Variants in IL16 observed in about 807,000 individuals in gnomAD.
The protein encoded by IL16 is pro-interleukin-16.
In IL16, 67 loss-of-function variants were observed where a neutral mutation model predicts 110.1. The ratio of observed to expected loss-of-function variants is 0.61; its 90% CI spans 0.50 to 0.75. The LOEUF (loss-of-function observed/expected upper bound fraction) is 0.75. Ranked by LOEUF, IL16 falls within the 30% of genes least tolerant of loss-of-function variation. The pLI is 0.00. For missense variants in IL16, 1,545 were observed against 1,655.0 expected, an observed-to-expected ratio of 0.93 and a Z score of 1.15; for synonymous variants, 689 against 662.9, an observed-to-expected ratio of 1.04 and a Z score of -0.61.
At chr15:81,199,032 TATATA>T (rs1374746482) in intron 1 of IL16, among the ~76,000 whole-genome samples, 1 of 110,194 alleles carries the variant, frequency 9.1e-6, no homozygotes, top group African/African-American at 3.1e-5. Context: ...AAAAAAAAAA[TATATA>T]TATATATATA....
At position 81,197,009 on chromosome 15, in the gene IL16, A is replaced by G. The variant is rs1895617900; in HGVS notation, c.-245A>G. 12 of 1,285,890 alleles carry G rather than the reference A, an allele frequency of 9.3e-6. No homozygotes were observed. Among genetic ancestry groups the G allele is most frequent in the South Asian group, 1.2e-5 (1 of 80,504 alleles). 79.7% of individuals were successfully genotyped at this position (1,285,890 alleles called of 1,614,324 possible). On this transcript the variant is annotated 5_prime_UTR_variant, in exon 1 of 19. Coordinates refer to ENST00000683961, the MANE Select transcript of IL16 (RefSeq NM_172217.5). ...TCTGAGAACTGAGCGTCCATTTCTC[A>G]ATCCTTGCCGGCTCTGACCCAGGCC...
intron 1 of IL16, among the ~76,000 whole-genome samples, chr15:81,215,191 C>A (rs371097077): frequency 6.6e-6 from 1 of 152,176 alleles, no homozygotes; most frequent in Admixed American, 6.5e-5. Flanking sequence ...GATAAGGGGA[C>A]ACTGGCTTTT....
rs1759028012 is a variant in IL16, at chr15:81,306,025, G to T, written c.3538G>T (p.Ala1180Ser). ...GGGGACCACGCACCATGATGCCTTG[G>T]CCATCCTCCGCCAAGCTCGAGAGCC... Reference protein sequence around the residue: ...LKGTTHHDALAILRQAREPRQ... With the variant: ...LKGTTHHDALSILRQAREPRQ... Residue 1180 changes from alanine to serine, a missense_variant, in exon 17 of 19, where the codon GCC becomes TCC. Around this residue, in one of 3 missense-constraint regions of IL16, gnomAD observed 356 missense variants for 399.3 expected, o/e 0.89. Coordinates refer to ENST00000683961, the MANE Select transcript of IL16 (RefSeq NM_172217.5). The T allele has an allele frequency of 6.2e-7, 1 of 1,614,070 alleles. No individual in the cohort carries two copies. The highest frequency in any genetic ancestry group is 1.3e-5 in the African/African-American group (1 of 74,922).
rs900497504 is a variant in IL16 at position 81,265,874 on chromosome 15, G to A, written c.564+73G>A. ...AAGGGAGGGGCCCAACATTAACAGT[G>A]GCTGAAGAGGCCTTCCCAGTAGTTT... On this transcript the variant is annotated intron_variant, in intron 4 of 18. Coordinates refer to ENST00000683961, the MANE Select transcript of IL16 (RefSeq NM_172217.5). 52 of 1,401,034 alleles carry A rather than the reference G, an allele frequency of 3.7e-5. No homozygotes were observed. In the African/African-American group the frequency reaches 7.1e-4, roughly 19 times the overall value. 86.8% of individuals were successfully genotyped at this position (1,401,034 alleles called of 1,614,324 possible).
chr15:81,292,372 C>T lies in IL16; in HGVS notation c.1421-184C>T, dbSNP rs1037996846. 4 of 842,818 alleles carry T rather than the reference C, an allele frequency of 4.7e-6. No individual in the cohort carries two copies. The African/African-American group carries it at 6.7e-5, about 14-fold the overall frequency. 52.2% of individuals were successfully genotyped at this position (842,818 alleles called of 1,614,324 possible). A position where few individuals can be genotyped will look rare whatever the true frequency, so the allele number is the denominator to read the frequency against. On this transcript the variant is annotated intron_variant, in intron 11 of 18. Coordinates refer to ENST00000683961, the MANE Select transcript of IL16 (RefSeq NM_172217.5). ...GAAAGCTTGAATGATTTTCCCAACC[C>T]AAAGTCATACAGCTCGCCAGGGACC...
At chr15:81,204,644 G>A (rs1277394512) in intron 1 of IL16, among the ~76,000 whole-genome samples, 2 of 151,742 alleles carry the variant, frequency 1.3e-5, no homozygotes, top group African/African-American at 2.4e-5. Context: ...GCTAAATGAC[G>A]AGTTAATGGG....
At chr15:81,223,165 G>A (rs1896675287) in intron 1 of IL16, among the ~76,000 whole-genome samples, 1 of 152,142 alleles carries the variant, frequency 6.6e-6, no homozygotes. Flanking sequence ...CATGGCACTG[G>A]GGTTTGTAAA....
Position 81,232,042 on chromosome 15 carries a change from G to GTTTTTTTTTTTT in IL16, c.312+6344_312+6355dup. Among the ~76,000 whole-genome samples the GTTTTTTTTTTTT allele has an allele frequency of 6.4e-3, 370 of 57,558 alleles. 10 individuals are homozygous for GTTTTTTTTTTTT. Among genetic ancestry groups the GTTTTTTTTTTTT allele is most frequent in the African/African-American group, 0.016 (247 of 15,452 alleles). 37.8% of individuals were successfully genotyped at this position (57,558 alleles called of 152,430 possible). A position where few individuals can be genotyped will look rare whatever the true frequency, so the allele number is the denominator to read the frequency against. ...ATGTAAGTCCTCCACATTTGTTCTT[G>GTTTTTTTTTTTT]TTTTTTTTTTTTTTTTTTTTTTTTC... On this transcript the variant is annotated intron_variant, in intron 2 of 18. Coordinates refer to ENST00000683961, the MANE Select transcript of IL16 (RefSeq NM_172217.5).
At chr15:81,287,130 G>A (rs1899488061) in intron 10 of IL16, among the ~76,000 whole-genome samples, 1 of 152,196 alleles carries the variant, frequency 6.6e-6, no homozygotes, top group Admixed American at 6.5e-5. Flanking sequence ...CAGGCAACAT[G>A]AGGCAATGCT....
In IL16 at chr15:81,313,153, G is replaced by C; in HGVS notation, c.*4355G>C. 2 of 1,336,296 alleles carry C rather than the reference G, an allele frequency of 1.5e-6. No individual in the cohort carries two copies. The highest frequency in any genetic ancestry group is 2.0e-6 in the Non-Finnish European group (2 of 1,006,568). 82.8% of individuals were successfully genotyped at this position (1,336,296 alleles called of 1,614,324 possible). On this transcript the variant is annotated 3_prime_UTR_variant, in exon 19 of 19. Coordinates refer to ENST00000683961, the MANE Select transcript of IL16 (RefSeq NM_172217.5). ...GCGCAGTCCATCAGCTTGTTCCAAA[G>C]AGTGAACACAGGCCTCTGCGTGCTC...
intron 10 of IL16, among the ~76,000 whole-genome samples, chr15:81,289,074 C>G (rs1899588587): frequency 6.6e-6 from 1 of 152,118 alleles, no homozygotes; most frequent in South Asian, 2.1e-4. Context: ...TCCACAGTGG[C>G]TACACCATTT....
chr15:81,230,227 A>T lies in IL16; in HGVS notation c.312+4516A>T, dbSNP rs116343617. Among the ~76,000 whole-genome samples, 365 of 152,356 alleles carry T rather than the reference A, an allele frequency of 2.4e-3. 1 individual carries two copies. The highest frequency in any genetic ancestry group is 8.3e-3 in the African/African-American group (344 of 41,580). ...TAATAAACAAAAGCAAATACAATTT[A>T]TCAGACTTAGAACTTTGAAAGAAGG... On this transcript the variant is annotated intron_variant, in intron 2 of 18. Transcript: ENST00000683961.
At position 81,299,756 on chromosome 15, in the gene IL16, T is replaced by C; in HGVS notation, c.2430T>C (p.Pro810=). The part of the protein sequence containing the change: ...RNRASDPRGL[P]DPALSTQPAP... Reference sequence around the variant, plus strand: ...GTGCTTCAGACCCAAGAGGGCTCCCTGATCCTGCCTTGTCCACCCAGCCAG... The same window carrying C: ...GTGCTTCAGACCCAAGAGGGCTCCCCGATCCTGCCTTGTCCACCCAGCCAG... Residue 810 remains proline (P), a synonymous_variant, in exon 14 of 19, where the codon CCT becomes CCC. Coordinates refer to ENST00000683961, the MANE Select transcript of IL16 (RefSeq NM_172217.5). 1 of 1,614,202 alleles carries C rather than the reference T, an allele frequency of 6.2e-7. No individual in the cohort carries two copies.
At chr15:81,226,131 A>G (rs1235245052) in intron 2 of IL16, among the ~76,000 whole-genome samples, 1 of 152,200 alleles carries the variant, frequency 6.6e-6, no homozygotes, top group Non-Finnish European at 1.5e-5. Context: ...ATGGCAAGCA[A>G]GGTAAGGGGT....
At chr15:81,209,327 G>C (rs1896149398) in intron 1 of IL16, among the ~76,000 whole-genome samples, 1 of 152,096 alleles carries the variant, frequency 6.6e-6, no homozygotes, top group Non-Finnish European at 1.5e-5. Flanking sequence ...GGATATTCCA[G>C]GAAACCAGTC....
At chr15:81,199,852 C>G (rs1895745520) in intron 1 of IL16, among the ~76,000 whole-genome samples, 1 of 152,300 alleles carries the variant, frequency 6.6e-6, no homozygotes, top group African/African-American at 2.4e-5. Context: ...CATCCCAGCT[C>G]CCGAATCTGA....
At chr15:81,273,262 T>G in intron 6 of IL16, 58 bp downstream of exon 6, 2 of 1,263,662 alleles carry the variant, frequency 1.6e-6, no homozygotes, top group Non-Finnish European at 1.1e-6. Flanking sequence ...GAATCCAGAA[T>G]TGCTGGGGCC....
At position 81,259,265 on chromosome 15, in the gene IL16, G is replaced by A. The variant is rs563622680; in HGVS notation, c.313-507G>A. Among the ~76,000 whole-genome samples the A allele has an allele frequency of 2.6e-5, 4 of 152,330 alleles. No homozygotes were observed. The South Asian group carries it at 8.3e-4, about 32-fold the overall frequency. ...TGCCTGTTATGTGCCAGGTATGCCAGAACAATGTAACTTGCTCGATCTTTC... is the reference window on the plus strand; with the variant it reads ...TGCCTGTTATGTGCCAGGTATGCCAAAACAATGTAACTTGCTCGATCTTTC... On this transcript the variant is annotated intron_variant, in intron 2 of 18. Transcript: ENST00000683961.
upstream of IL16, among the ~76,000 whole-genome samples, chr15:81,195,342 G>A (rs1447301655): frequency 1.3e-5 from 2 of 152,150 alleles, no homozygotes. Flanking sequence ...CTCTGCCAGA[G>A]CAAGATGGAA....
Sources: allele counts gnomAD v4.1 joint callset (sites outside exome capture counted in the v4.1 genomes callset), GRCh38; gene constraint gnomAD v4.1.1; regional missense constraint gnomAD v4.1.1; transcripts MANE v1.5; gene names NCBI Gene and HGNC (gene_info 2026-07-23, HGNC 2026-07-21).